Variants in EXOC3L4 observed in about 807,000 individuals in gnomAD.
The protein encoded by EXOC3L4 is exocyst complex component 3-like protein 4.
Under a neutral mutation model 69.7 loss-of-function variants are expected in EXOC3L4, and 62 were observed. The ratio of observed to expected loss-of-function variants is 0.89; its 90% confidence interval spans 0.72 to 1.10. The LOEUF is 1.10. Ranked by LOEUF, EXOC3L4 falls within the 50% of genes least tolerant of loss-of-function variation. The probability of loss-of-function intolerance (pLI) is 0.00; values close to 1 mark genes in which losing one functional copy is unlikely to be tolerated. For synonymous variants in EXOC3L4, 502 were observed against 464.2 expected (o/e 1.08, Z -1.05); for missense variants, 1,087 against 1,034.8 (o/e 1.05, Z -0.69).
chr14:103,103,863 T>G, intron 3 of EXOC3L4, 78 bp from the exon 4 acceptor site: 1 of 915,418 alleles, frequency 1.1e-6, no homozygotes, highest in East Asian at 2.8e-5. Context: ...GCGTTAGACT[T>G]TGAGCCTGGC....
chr14:103,109,854 C>A (rs1052119733), intron 11 of EXOC3L4, among the ~76,000 whole-genome samples, 177 bp from the exon 12 acceptor site: 1 of 151,248 alleles, frequency 6.6e-6, no homozygotes, highest in Non-Finnish European at 1.5e-5. Context: ...CCCAGGCCCA[C>A]GCCCTGCCCC....
At position 103,097,941 on chromosome 14, in the gene EXOC3L4, C is replaced by T. The variant is rs143155265; in HGVS notation, c.-16-2263C>T. 5.3e-3 allele frequency among the ~76,000 whole-genome samples: 807 copies of T among 151,988 alleles called. 9 individuals are homozygous for T. Among genetic ancestry groups the T allele is most frequent in the Non-Finnish European group, 6.5e-3 (443 of 67,960 alleles). On this transcript the variant is annotated intron_variant, in intron 1 of 11. Coordinates refer to ENST00000688303, the MANE Select transcript of EXOC3L4 (RefSeq NM_001077594.2). This position sits in a 1 kb window ranked among gnomAD's most constrained non-coding sequence, Gnocchi z 4.9. ...GGAAGGAGGTTCCAGGATGGATGCC[C>T]GGCTGTGGGGCTCGGGCAGGAGGGA...
At chr14:103,099,635 A>G (rs1466087983) in intron 1 of EXOC3L4, among the ~76,000 whole-genome samples, 2 of 152,110 alleles carry the variant, frequency 1.3e-5, no homozygotes, top group Non-Finnish European at 2.9e-5. Flanking sequence ...GGGCTCTGTG[A>G]CACCCAGGGA....
chr14:103,103,787 G>GGCGCGC (rs142839498), intron 3 of EXOC3L4, 154 bp from the exon 4 acceptor site: 4 of 481,652 alleles, frequency 8.3e-6, no homozygotes, highest in South Asian at 5.5e-5. Context: ...GCAGCCTAGA[G>GGCGCGC]GCGCGCGCGC....
At position 103,110,201 on chromosome 14, in the gene EXOC3L4, C is replaced by T; in HGVS notation, c.2147C>T (p.Ala716Val). The change falls in exon 12 of 12, where the codon GCT (alanine) becomes GTT (valine). Residue 716 changes from alanine (A) to valine (V), a missense_variant. Ala to Val is a moderately conservative substitution (Grantham distance 64). Coordinates refer to ENST00000688303, the MANE Select transcript of EXOC3L4 (RefSeq NM_001077594.2). ...FEEIKVPSAM[A>V]VLITCV ...GAGATCAAGGTGCCCAGTGCCATGG[C>T]TGTGCTGATCACCTGCGTCTAGTTC... 1 of 1,513,268 alleles carries T rather than the reference C, an allele frequency of 6.6e-7. No homozygotes were observed. 93.7% of individuals were successfully genotyped at this position (1,513,268 alleles called of 1,614,324 possible).
intron 1 of EXOC3L4, among the ~76,000 whole-genome samples, chr14:103,096,088 A>G (rs911169057): frequency 2.6e-5 from 4 of 152,070 alleles, no homozygotes; most frequent in African/African-American, 7.2e-5. Flanking sequence ...ATGGTGGCTC[A>G]CTCCTGTAAT....
intron 10 of EXOC3L4, 26 bp downstream of exon 10, chr14:103,107,809 G>A: frequency 6.7e-7 from 1 of 1,486,070 alleles, no homozygotes; most frequent in Non-Finnish European, 9.0e-7. Context: ...CTGCCCTTCG[G>A]TGCTCGCCTC....
At position 103,110,482 on chromosome 14, in the gene EXOC3L4, G is replaced by A. The variant is rs887464370; in HGVS notation, c.*259G>A. 21 of 614,206 alleles carry A rather than the reference G, an allele frequency of 3.4e-5. No homozygotes were observed. Among genetic ancestry groups the A allele is most frequent in the African/African-American group, 1.5e-4 (8 of 54,198 alleles). 38.0% of individuals were successfully genotyped at this position (614,206 alleles called of 1,614,324 possible). On this transcript the variant is annotated 3_prime_UTR_variant, in exon 12 of 12. Transcript: ENST00000688303. ...CCTATCGGGCGGGGGGGGGCCTCCC[G>A]CCCGACTGTCCAGCTTCACCCTCCA...
At chr14:103,101,880 AT>A (rs1448418177) in intron 2 of EXOC3L4, among the ~76,000 whole-genome samples, 1 of 152,216 alleles carries the variant, frequency 6.6e-6, no homozygotes, top group African/African-American at 2.4e-5. Flanking sequence ...GTTGACCCAA[AT>A]TGCTCTGTTC....
rs1376676388 is a variant in EXOC3L4, at chr14:103,097,626, A to G, written c.-16-2578A>G. On this transcript the variant is annotated intron_variant, in intron 1 of 11. Coordinates refer to ENST00000688303, the MANE Select transcript of EXOC3L4 (RefSeq NM_001077594.2). The surrounding 1 kb of genome is among the most constrained non-coding windows in gnomAD (Gnocchi z 4.9). ...AGGGGTGACCGGGGTAGATGGACAG[A>G]GGCTGCCAGCCCAGTGCAGGAGGGC... Among the ~76,000 whole-genome samples, 1 of 152,168 alleles carries G rather than the reference A, an allele frequency of 6.6e-6. No individual in the cohort carries two copies. Among genetic ancestry groups the G allele is most frequent in the Non-Finnish European group, 1.5e-5 (1 of 68,018 alleles).
At position 103,104,367 on chromosome 14, in the gene EXOC3L4, C is replaced by CG. The variant is rs1890410128; in HGVS notation, c.1263dup (p.Leu422AlafsTer43). 6.3e-7 allele frequency: 1 copy of CG among 1,585,144 alleles called. No individual in the cohort carries two copies. Among genetic ancestry groups the CG allele is most frequent in the South Asian group, 1.2e-5 (1 of 86,752 alleles). On this transcript the variant is annotated frameshift_variant, in exon 5 of 12. Coordinates refer to ENST00000688303, the MANE Select transcript of EXOC3L4 (RefSeq NM_001077594.2). LOFTEE classifies it high-confidence loss of function. ...GTGCTGCAGGGCCTCTACCAGGCGC[C>CG]GCTGTCCATGGACGTCCATATGGTG...
chr14:103,103,957 GC>G lies in EXOC3L4; in HGVS notation c.1070del (p.Pro357ArgfsTer78). On this transcript the variant is annotated frameshift_variant, in exon 4 of 12. Transcript: ENST00000688303. LOFTEE classifies it high-confidence loss of function. ...NVYGSPDFLG[A>X]PGLALPAEPL... is the part of the protein sequence containing the mutation. Reference sequence around the variant, plus strand: ...GTCTTCCAGTCCTGACTTCCTGGGCGCCCCGGGGCTGGCGCTGCCCGCCGAG... The same window carrying G: ...GTCTTCCAGTCCTGACTTCCTGGGCGCCCGGGGCTGGCGCTGCCCGCCGAG... The G allele has an allele frequency of 1.3e-6, 2 of 1,545,012 alleles. No homozygotes were observed.
rs548166469 is a variant in EXOC3L4, at chr14:103,099,337, C to T, written c.-16-867C>T. Among the ~76,000 whole-genome samples the T allele has an allele frequency of 8.0e-4, 122 of 151,972 alleles. 1 individual carries two copies. The highest frequency in any genetic ancestry group is 2.7e-3 in the African/African-American group (111 of 41,444). On this transcript the variant is annotated intron_variant, in intron 1 of 11. Coordinates refer to ENST00000688303, the MANE Select transcript of EXOC3L4 (RefSeq NM_001077594.2). ...GGTGGAGCCTGGCAGGCCACGGTGCCGAGGGCCCTGGGGGAGCAGGAGCAG... is the reference window on the plus strand; with the variant it reads ...GGTGGAGCCTGGCAGGCCACGGTGCTGAGGGCCCTGGGGGAGCAGGAGCAG...
At position 103,100,627 on chromosome 14, in the gene EXOC3L4, A is replaced by T. The variant is rs1189777147; in HGVS notation, c.394+14A>T. On this transcript the variant is annotated intron_variant, in intron 2 of 11. Coordinates refer to ENST00000688303, the MANE Select transcript of EXOC3L4 (RefSeq NM_001077594.2). ...AACCCGAGGCAGGTAAGGGCCTCAG[A>T]AACAACACGAAGCATGAAAGGAAAC... 1 of 1,591,532 alleles carries T rather than the reference A, an allele frequency of 6.3e-7. No individual in the cohort carries two copies. Among genetic ancestry groups the T allele is most frequent in the Non-Finnish European group, 8.6e-7 (1 of 1,165,658 alleles).
rs183095297 is a variant in EXOC3L4, at chr14:103,097,862, C to T, written c.-16-2342C>T. Among the ~76,000 whole-genome samples the T allele has an allele frequency of 2.8e-4, 42 of 151,966 alleles. No individual in the cohort carries two copies. The highest frequency in any genetic ancestry group is 4.4e-5 in the Non-Finnish European group (3 of 67,982). On this transcript the variant is annotated intron_variant, in intron 1 of 11. Coordinates refer to ENST00000688303, the MANE Select transcript of EXOC3L4 (RefSeq NM_001077594.2). The surrounding 1 kb of genome is among the most constrained non-coding windows in gnomAD (Gnocchi z 4.9). Reference sequence around the variant, plus strand: ...GAAGCTGGGTGGGGTGCAGGTTGTCCGTGAACCCCAGGGGAAGCTGGTGAG... The same window carrying T: ...GAAGCTGGGTGGGGTGCAGGTTGTCTGTGAACCCCAGGGGAAGCTGGTGAG...
chr14:103,102,345 G>C lies in EXOC3L4; in HGVS notation c.622G>C (p.Ala208Pro), dbSNP rs1890239265. The C allele has an allele frequency of 6.4e-7, 1 of 1,561,808 alleles. No homozygotes were observed. Among genetic ancestry groups the C allele is most frequent in the Admixed American group, 1.8e-5 (1 of 54,948 alleles). ...GACGCTGGACAGCGACGGTGTGGAC[G>C]CGGCCGCGCTGGCCGAGCTGGCCCG... The part of the protein sequence containing the change: ...RETLDSDGVD[A>P]AALAELARVV... Residue 208 changes from alanine (A) to proline (P), a missense_variant, in exon 3 of 12, where the codon GCG becomes CCG. Physicochemically the swap from Ala to Pro is conservative, Grantham distance 27 (BLOSUM62 -1). Coordinates refer to ENST00000688303, the MANE Select transcript of EXOC3L4 (RefSeq NM_001077594.2).
At position 103,104,259 on chromosome 14, in the gene EXOC3L4, C is replaced by T. The variant is rs774088168; in HGVS notation, c.1162-8C>T. On this transcript the variant is annotated splice_polypyrimidine_tract_variant and splice_region_variant and intron_variant, in intron 4 of 11. Transcript: ENST00000688303. ...GGTCTCACCACGGCCCATCCCTTCT[C>T]CCCCCAGGCCAAGATCGCAAGCTGC... is the stretch of plus-strand genomic sequence containing the variant. The T allele has an allele frequency of 1.3e-6, 2 of 1,576,434 alleles. No homozygotes were observed. Among genetic ancestry groups the T allele is most frequent in the South Asian group, 1.2e-5 (1 of 85,616 alleles).
Position 103,107,715 on chromosome 14 carries a change from G to C in EXOC3L4, c.1786G>C (p.Glu596Gln), listed in dbSNP as rs762975635. ...LRPRERFRGMERMHGSQKMSL... is the reference protein window; with the variant it reads ...LRPRERFRGMQRMHGSQKMSL... ...GCCACGGGAGCGGTTCCGGGGCATG[G>C]AGCGCATGCATGGCTCCCAGAAGAT... Residue 596 changes from glutamate (E) to glutamine (Q), a missense_variant, in exon 10 of 12, where the codon GAG becomes CAG. Coordinates refer to ENST00000688303, the MANE Select transcript of EXOC3L4 (RefSeq NM_001077594.2). The C allele has an allele frequency of 2.6e-6, 4 of 1,552,382 alleles. No individual in the cohort carries two copies. Among genetic ancestry groups the C allele is most frequent in the Non-Finnish European group, 2.6e-6 (3 of 1,146,752 alleles).
intron 1 of EXOC3L4, among the ~76,000 whole-genome samples, chr14:103,099,468 G>C (rs1002622097): frequency 1.3e-5 from 2 of 152,166 alleles, no homozygotes; most frequent in African/African-American, 4.8e-5. Context: ...GGGGGGAGGA[G>C]GAGAGGCAAT....
Sources: gnomAD v4.1 joint callset for allele counts (sites outside exome capture counted in the v4.1 genomes callset) on GRCh38, gnomAD v4.1.1 for gene constraint, Gnocchi (gnomAD v3.1) non-coding constraint, MANE v1.5 for transcripts, NCBI Gene and HGNC (gene_info 2026-07-23, HGNC 2026-07-21) for gene names.